The following DHRS7 variants were observed in gnomAD, a reference collection of about 807,000 sequenced individuals.
The protein encoded by DHRS7 is dehydrogenase/reductase 7.
A neutral mutation model predicts 38.9 loss-of-function variants in DHRS7; 34 were observed. The ratio of observed to expected loss-of-function variants is 0.87; its 90% CI spans 0.66 to 1.16. The LOEUF is 1.16. DHRS7 is among the 50% of genes most tolerant of loss of function. The probability of loss-of-function intolerance (pLI) is 0.00; values close to 1 mark genes in which losing one functional copy is unlikely to be tolerated. For synonymous variants in DHRS7, 158 were observed against 153.1 expected, an observed-to-expected ratio of 1.03 and a Z score of -0.24; for missense variants, 421 against 407.0, an observed-to-expected ratio of 1.03 and a Z score of -0.30.
In DHRS7 at chr14:60,148,837, C is replaced by T. The variant is rs567995779; in HGVS notation, c.972+516G>A. On this transcript the variant is annotated intron_variant, in intron 6 of 6. Coordinates refer to ENST00000557185, the MANE Select transcript of DHRS7 (RefSeq NM_016029.4). This position sits in a 1 kb window ranked among gnomAD's most constrained non-coding sequence, Gnocchi z 4.8. ...ATGTATAGAAGAAAAACATGGCAATCTTTGATTTGATTTTACCTTGTAAGA... is the reference window on the plus strand; with the variant it reads ...ATGTATAGAAGAAAAACATGGCAATTTTTGATTTGATTTTACCTTGTAAGA... 6.5e-6 allele frequency: 1 copy of T among 153,348 alleles called. No individual in the cohort carries two copies. The highest frequency in any genetic ancestry group is 1.4e-5 in the Non-Finnish European group (1 of 68,978). The allele number at this position is 153,348 out of a possible 1,614,324, so 9.5% of individuals were successfully genotyped here. A position where few individuals can be genotyped will look rare whatever the true frequency, so the allele number is the denominator to read the frequency against.
In DHRS7 at chr14:60,165,031, C is replaced by A. The variant is rs1269137419; in HGVS notation, c.133+146G>T. On this transcript the variant is annotated intron_variant, in intron 1 of 6. Coordinates refer to ENST00000557185, the MANE Select transcript of DHRS7 (RefSeq NM_016029.4). The surrounding 1 kb of genome is among the most constrained non-coding windows in gnomAD (Gnocchi z 4.6). ...CCTCTTCCTCCCCAACCCGCAGCCC[C>A]TGCGTAAGGGGCAGCCGGGCCTTCG... 2.9e-6 allele frequency: 3 copies of A among 1,044,550 alleles called. No individual in the cohort carries two copies. The highest frequency in any genetic ancestry group is 4.1e-6 in the Non-Finnish European group (3 of 723,714). 64.7% of individuals were successfully genotyped at this position (1,044,550 alleles called of 1,614,324 possible).
At chr14:60,166,830 T>C (rs1896873650), upstream of DHRS7, among the ~76,000 whole-genome samples, 1 of 152,250 alleles carries the variant, frequency 6.6e-6, no homozygotes, top group Non-Finnish European at 1.5e-5. Flanking sequence ...GTAGCAAATC[T>C]GATGCTTCTT....
intron 1 of DHRS7, among the ~76,000 whole-genome samples, chr14:60,164,940 G>T (rs1896836517): frequency 6.6e-6 from 1 of 152,240 alleles, no homozygotes; most frequent in South Asian, 2.1e-4. Context: ...AGGTTTCCTA[G>T]CCTGAATGGC....
Position 60,153,163 on chromosome 14 carries a change from T to C in DHRS7, c.409A>G (p.Asn137Asp). ...QEFGRIDILV[N>D]NGGMSQRSLC... ...GAACGCTGGGACATTCCACCATTGT[T>C]GACCAGAATGTCGATCTAGTTAAAT... Residue 137 changes from asparagine to aspartate, a missense_variant, in exon 4 of 7, where the codon AAC (asparagine) becomes GAC (aspartate). Transcript: ENST00000557185. The surrounding 1 kb of genome is among the most constrained non-coding windows in gnomAD (Gnocchi z 4.4). 1.2e-6 allele frequency: 2 copies of C among 1,614,150 alleles called. No homozygotes were observed. The highest frequency in any genetic ancestry group is 1.6e-4 in the Middle Eastern group (1 of 6,062).
upstream of DHRS7, among the ~76,000 whole-genome samples, chr14:60,167,547 A>C (rs2140622251): frequency 6.6e-6 from 1 of 152,366 alleles, no homozygotes; most frequent in South Asian, 2.1e-4. Context: ...GCTAAGGCCC[A>C]TTCAGGTCAG....
chr14:60,145,997 G>A lies in DHRS7; in HGVS notation c.973-984C>T, dbSNP rs995368794. 4 of 149,712 alleles carry A rather than the reference G, an allele frequency of 2.7e-5. No individual in the cohort carries two copies. Among genetic ancestry groups the A allele is most frequent in the Non-Finnish European group, 3.0e-5 (2 of 67,518 alleles). The allele number at this position is 149,712 out of a possible 1,614,324, so 9.3% of individuals were successfully genotyped here. On this transcript the variant is annotated intron_variant, in intron 6 of 6. Coordinates refer to ENST00000557185, the MANE Select transcript of DHRS7 (RefSeq NM_016029.4). This position sits in a 1 kb window ranked among gnomAD's most constrained non-coding sequence, Gnocchi z 4.0. The stretch of plus-strand genomic sequence containing the variant: ...ATGCTAGCATTTTCTTAACTTAGAC[G>A]CTTATCAATAAGAAAATTTATATAT...
At chr14:60,165,737 T>C (rs987806478), upstream of DHRS7, 95 of 959,782 alleles carry the variant, frequency 9.9e-5, 1 homozygote, top group South Asian at 2.2e-3. This position sits in a 1 kb window ranked among gnomAD's most constrained non-coding sequence, Gnocchi z 4.6. Context: ...ATAGAATCAT[T>C]CTTGCTTGGC....
In DHRS7 at chr14:60,153,034, T is replaced by A; in HGVS notation, c.538A>T (p.Arg180Trp). The A allele has an allele frequency of 6.2e-7, 1 of 1,614,182 alleles. No individual in the cohort carries two copies. The highest frequency in any genetic ancestry group is 8.5e-7 in the Non-Finnish European group (1 of 1,180,018). ...ACAGTAACAATCTTTCCTTGCTTCC[T>A]CTCGATCATGTGAGGCAGAACACAT... ...TKCVLPHMIE[R>W]KQGKIVTVNS... Residue 180 changes from arginine (R) to tryptophan (W), a missense_variant, in exon 4 of 7, where the codon AGG (arginine) becomes TGG (tryptophan). Transcript: ENST00000557185. This position sits in a 1 kb window ranked among gnomAD's most constrained non-coding sequence, Gnocchi z 4.4.
In DHRS7 at chr14:60,152,932, G is replaced by T; in HGVS notation, c.633+7C>A. The T allele has an allele frequency of 1.2e-6, 2 of 1,613,960 alleles. No individual in the cohort carries two copies. Among genetic ancestry groups the T allele is most frequent in the Non-Finnish European group, 8.5e-7 (1 of 1,179,900 alleles). On this transcript the variant is annotated splice_region_variant and intron_variant, in intron 4 of 6. Transcript: ENST00000557185. ...GTTCTATCAGAGTTGAGTTTGAGCA[G>T]CCTTACCCGGAGAGCATGCTTGCTA...
At position 60,162,895 on chromosome 14, in the gene DHRS7, C is replaced by A. The variant is rs140679916; in HGVS notation, c.133+2282G>T. Among the ~76,000 whole-genome samples, 5 of 152,268 alleles carry A rather than the reference C, an allele frequency of 3.3e-5. No individual in the cohort carries two copies. Among genetic ancestry groups the A allele is most frequent in the East Asian group, 3.9e-4 (2 of 5,194 alleles). On this transcript the variant is annotated intron_variant, in intron 1 of 6. Coordinates refer to ENST00000557185, the MANE Select transcript of DHRS7 (RefSeq NM_016029.4). The surrounding 1 kb of genome is among the most constrained non-coding windows in gnomAD (Gnocchi z 4.5). ...TTCTATAAAGTTTACTCCTGCCAGG[C>A]GCAGTGGCTAATGCCTGTAATCCCA... is the stretch of plus-strand genomic sequence containing the variant.
At chr14:60,154,138 C>CGTTA in intron 2 of DHRS7, 73 bp from the exon 3 acceptor site, 3 of 1,156,676 alleles carry the variant, frequency 2.6e-6, no homozygotes, top group Non-Finnish European at 3.8e-6. Flanking sequence ...CCCACTAACA[C>CGTTA]CCACCCTGCA....
intron 1 of DHRS7, among the ~76,000 whole-genome samples, chr14:60,164,092 C>G (rs1254029): frequency 6.6e-6 from 1 of 151,458 alleles, no homozygotes; most frequent in Non-Finnish European, 1.5e-5. Context: ...CCCAAGAAAA[C>G]CCAACCAGAA....
Position 60,150,196 on chromosome 14 carries a change from CAA to C in DHRS7, c.634-11_634-10del, listed in dbSNP as rs56277430. 18,828 of 1,133,096 alleles carry C rather than the reference CAA, an allele frequency of 0.017. 1 individual carries two copies. The highest frequency in any genetic ancestry group is 0.028 in the Admixed American group (639 of 23,134). The allele number at this position is 1,133,096 out of a possible 1,614,324, so 70.2% of individuals were successfully genotyped here. ...AGGCCATTAAAAAAACCCTAACAGA[CAA>C]AAAAAAAAAAAAAGGAAAAAGGCAA... is the stretch of plus-strand genomic sequence containing the variant. On this transcript the variant is annotated splice_polypyrimidine_tract_variant and intron_variant, in intron 4 of 6. Coordinates refer to ENST00000557185, the MANE Select transcript of DHRS7 (RefSeq NM_016029.4).
rs1278534732 is a variant in DHRS7 at position 60,165,040 on chromosome 14, G to T, written c.133+137C>A. ...CCCCAACCCGCAGCCCCTGCGTAAG[G>T]GGCAGCCGGGCCTTCGGGAAGCTCC... On this transcript the variant is annotated intron_variant, in intron 1 of 6. Transcript: ENST00000557185. This position sits in a 1 kb window ranked among gnomAD's most constrained non-coding sequence, Gnocchi z 4.6. 1 of 1,135,252 alleles carries T rather than the reference G, an allele frequency of 8.8e-7. No homozygotes were observed. The highest frequency in any genetic ancestry group is 1.3e-6 in the Non-Finnish European group (1 of 798,442). 70.3% of individuals were successfully genotyped at this position (1,135,252 alleles called of 1,614,324 possible). A position where few individuals can be genotyped will look rare whatever the true frequency, so the allele number is the denominator to read the frequency against.
upstream of DHRS7, among the ~76,000 whole-genome samples, chr14:60,168,067 T>C (rs1345736152): frequency 6.6e-6 from 1 of 152,224 alleles, no homozygotes; most frequent in Non-Finnish European, 1.5e-5. Flanking sequence ...TGGTCTAGTT[T>C]TCTGATATTC....
chr14:60,153,466 G>A lies in DHRS7; in HGVS notation c.394-288C>T, dbSNP rs1477467491. 6.6e-6 allele frequency among the ~76,000 whole-genome samples: 1 copy of A among 152,218 alleles called. No individual in the cohort carries two copies. The highest frequency in any genetic ancestry group is 2.4e-5 in the African/African-American group (1 of 41,444). On this transcript the variant is annotated intron_variant, in intron 3 of 6. Coordinates refer to ENST00000557185, the MANE Select transcript of DHRS7 (RefSeq NM_016029.4). This position sits in a 1 kb window ranked among gnomAD's most constrained non-coding sequence, Gnocchi z 4.4. Reference sequence around the variant, plus strand: ...AATCCCTGCACTTTGGGAGGCTGAGGAGGGTGGACCATGAGGTCAGGAGTT... The same window carrying A: ...AATCCCTGCACTTTGGGAGGCTGAGAAGGGTGGACCATGAGGTCAGGAGTT...
upstream of DHRS7, among the ~76,000 whole-genome samples, chr14:60,168,206 C>T (rs1259677808): frequency 1.3e-5 from 2 of 152,206 alleles, no homozygotes; most frequent in Admixed American, 1.3e-4. Context: ...ATGCAGTTCC[C>T]CATATCAGTG....
chr14:60,168,773 C>G (rs1466565578), upstream of DHRS7: 4 of 1,545,270 alleles, frequency 2.6e-6, no homozygotes, highest in East Asian at 9.8e-5. Flanking sequence ...TTTCTTGCTT[C>G]TTAAATCATA....
chr14:60,151,536 C>CAA (rs374087187), intron 4 of DHRS7, among the ~76,000 whole-genome samples: 1 of 111,362 alleles, frequency 9.0e-6, no homozygotes, highest in Admixed American at 9.6e-5. Flanking sequence ...GAGATGAACC[C>CAA]AAAAAAAAAA....
Sources: gnomAD v4.1 joint callset for allele counts (sites outside exome capture counted in the v4.1 genomes callset) on GRCh38, gnomAD v4.1.1 for gene constraint, Gnocchi (gnomAD v3.1) non-coding constraint, MANE v1.5 for transcripts, NCBI Gene and HGNC (gene_info 2026-07-23, HGNC 2026-07-21) for gene names.